Variants in COL15A1 observed in about 807,000 individuals in gnomAD.
The protein encoded by COL15A1 is collagen type XV alpha 1 chain, also known as collagen alpha-1(XV) chain.
COL15A1 carries 111 observed loss-of-function variants against 165.9 expected under a neutral mutation model. The ratio of observed to expected loss-of-function variants is 0.67; its 90% CI spans 0.57 to 0.78. The LOEUF (loss-of-function observed/expected upper bound fraction) is 0.78, where lower values mean the gene tolerates loss of function less well. Ranked by LOEUF, COL15A1 falls within the 30% of genes least tolerant of loss-of-function variation. COL15A1 has a pLI of 0.00. For synonymous variants in COL15A1, 659 were observed against 674.8 expected (o/e 0.98, Z 0.36); for missense variants, 1,745 against 1,789.7 (o/e 0.98, Z 0.45).
intron 30 of COL15A1, among the ~76,000 whole-genome samples, chr9:99,050,487 G>A (rs1439457199): frequency 2.6e-5 from 4 of 152,180 alleles, no homozygotes; most frequent in Non-Finnish European, 4.4e-5. Flanking sequence ...GGATGCTGAG[G>A]GGTCAGGCAC....
rs200365663 is a variant in COL15A1 at position 98,989,148 on chromosome 9, C to T, written c.724-30C>T. 4.8e-4 allele frequency: 758 copies of T among 1,587,092 alleles called. 1 individual carries two copies. Among genetic ancestry groups the T allele is most frequent in the Non-Finnish European group, 5.2e-4 (601 of 1,155,672 alleles). On this transcript the variant is annotated intron_variant, in intron 4 of 41. Coordinates refer to ENST00000375001, the MANE Select transcript of COL15A1 (RefSeq NM_001855.5). ...TCTTATGGGCCCTGCCCGCTCTGCC[C>T]GGTGTGTGGCACAGTTTGTCTCCAC...
intron 2 of COL15A1, among the ~76,000 whole-genome samples, chr9:98,958,368 C>T (rs1837812573): frequency 6.6e-6 from 1 of 152,214 alleles, no homozygotes; most frequent in African/African-American, 2.4e-5. Flanking sequence ...CTGCTGAGCA[C>T]ATCCTGCACT....
chr9:99,015,383 AG>A (rs776057307), intron 9 of COL15A1, 33 bp from the exon 10 acceptor site: 2 of 1,556,476 alleles, frequency 1.3e-6, no homozygotes, highest in South Asian at 2.2e-5. Flanking sequence ...GCATGGGCGA[AG>A]GGGCACAGCT....
At chr9:98,996,298 C>T (rs569148901) in intron 5 of COL15A1, among the ~76,000 whole-genome samples, 6 of 152,302 alleles carry the variant, frequency 3.9e-5, no homozygotes, top group Admixed American at 3.3e-4. Context: ...CTGGGTCCCG[C>T]GAGCTGCTGC....
chr9:98,979,071 C>T (rs531656886), intron 2 of COL15A1, among the ~76,000 whole-genome samples: 63 of 152,242 alleles, frequency 4.1e-4, no homozygotes, highest in African/African-American at 1.3e-3. Flanking sequence ...TCTTTTGAAA[C>T]GCTGCCTTGG....
chr9:98,951,896 C>G (rs533801489), intron 2 of COL15A1, among the ~76,000 whole-genome samples: 1 of 152,302 alleles, frequency 6.6e-6, no homozygotes, highest in African/African-American at 2.4e-5. Context: ...CCCATAGTAC[C>G]TGGGGACCCC....
chr9:99,025,684 A>C (rs1195299607), intron 15 of COL15A1, among the ~76,000 whole-genome samples: 3 of 152,114 alleles, frequency 2.0e-5, no homozygotes, highest in Non-Finnish European at 4.4e-5. Flanking sequence ...CCCATAGAGG[A>C]GGAAATGTAA....
chr9:99,047,224 G>A (rs1204790131), intron 26 of COL15A1, among the ~76,000 whole-genome samples: 2 of 152,232 alleles, frequency 1.3e-5, no homozygotes, highest in African/African-American at 2.4e-5. Flanking sequence ...TGGAAAGCCA[G>A]CACTGAAATA....
chr9:98,959,238 A>AAAC (rs1432079347), intron 2 of COL15A1, among the ~76,000 whole-genome samples: 6 of 151,504 alleles, frequency 4.0e-5, no homozygotes, highest in Admixed American at 6.6e-5. Context: ...AAAAAAAAAA[A>AAAC]AAAAAAAAAC....
At chr9:99,041,026 A>G in intron 23 of COL15A1, 1 of 171,576 alleles carries the variant, frequency 5.8e-6, no homozygotes, top group East Asian at 1.5e-4. Context: ...GACCTGGGGC[A>G]CATTTCAGAG....
At chr9:98,955,389 G>C (rs2118775285) in intron 2 of COL15A1, among the ~76,000 whole-genome samples, 1 of 152,356 alleles carries the variant, frequency 6.6e-6, no homozygotes, top group Non-Finnish European at 1.5e-5. Flanking sequence ...TTGAGGGCAG[G>C]AAGCCGTTTT....
At chr9:98,951,993 G>C (rs1196390275) in intron 2 of COL15A1, among the ~76,000 whole-genome samples, 1 of 152,310 alleles carries the variant, frequency 6.6e-6, no homozygotes, top group East Asian at 1.9e-4. Context: ...GGGCTTCTCA[G>C]ACTGTACAGT....
In COL15A1 at chr9:99,063,067, T is replaced by A; in HGVS notation, c.3609T>A (p.Pro1203=). 1 of 1,590,540 alleles carries A rather than the reference T, an allele frequency of 6.3e-7. No individual in the cohort carries two copies. The highest frequency in any genetic ancestry group is 8.5e-7 in the Non-Finnish European group (1 of 1,172,496). The change falls in exon 39 of 42, where the codon CCT becomes CCA. Residue 1203 remains proline, a synonymous_variant. Coordinates refer to ENST00000375001, the MANE Select transcript of COL15A1 (RefSeq NM_001855.5). ...CATAACAGCCACATCAGCTTCTGCC[T>A]CCACCAAACCCTATTTCAAGTGCCA... The part of the protein sequence containing the change: ...ALSSNPHQLL[P]PPNPISSANY...
At chr9:99,042,306 T>C (rs1839420571) in intron 24 of COL15A1, among the ~76,000 whole-genome samples, 199 bp downstream of exon 24, 1 of 152,210 alleles carries the variant, frequency 6.6e-6, no homozygotes, top group Admixed American at 6.5e-5. Flanking sequence ...CACTCTGTAA[T>C]TCTAGAACAT....
intron 2 of COL15A1, among the ~76,000 whole-genome samples, chr9:98,978,761 T>C (rs959622018): frequency 6.6e-6 from 1 of 152,154 alleles, no homozygotes; most frequent in Non-Finnish European, 1.5e-5. Flanking sequence ...TAGATGTCTT[T>C]ACTTTTCATA....
rs575630444 is a variant in COL15A1 at position 99,026,619 on chromosome 9, G to A, written c.2043+653G>A. ...GCCAGTGGGCTGGTTCTGCCCAAAT[G>A]CTCTGGGCACGCTCTTCCCTTCTGT... On this transcript the variant is annotated intron_variant, in intron 16 of 41. Coordinates refer to ENST00000375001, the MANE Select transcript of COL15A1 (RefSeq NM_001855.5). Among the ~76,000 whole-genome samples the A allele has an allele frequency of 1.5e-3, 231 of 152,222 alleles. 1 individual carries two copies. The highest frequency in any genetic ancestry group is 5.1e-3 in the African/African-American group (213 of 41,512).
Position 99,044,779 on chromosome 9 carries a change from G to A in COL15A1, c.2679+9G>A, listed in dbSNP as rs949794864. On this transcript the variant is annotated intron_variant, in intron 26 of 41. Coordinates refer to ENST00000375001, the MANE Select transcript of COL15A1 (RefSeq NM_001855.5). ...GAGCCCCAGGACCAATGGTAAGTCAGAGCGTCTCTCAGCTGGATCTGGGCT... is the reference window on the plus strand; with the variant it reads ...GAGCCCCAGGACCAATGGTAAGTCAAAGCGTCTCTCAGCTGGATCTGGGCT... The A allele has an allele frequency of 1.2e-6, 2 of 1,612,476 alleles. No homozygotes were observed. Among genetic ancestry groups the A allele is most frequent in the Non-Finnish European group, 1.7e-6 (2 of 1,178,646 alleles).
In COL15A1 at chr9:99,070,433, C is replaced by T. The variant is rs188993242; in HGVS notation, c.*547C>T. 5.9e-5 allele frequency: 16 copies of T among 273,470 alleles called. No individual in the cohort carries two copies. In the East Asian group the frequency reaches 6.0e-4, roughly 10 times the overall value. 16.9% of individuals were successfully genotyped at this position (273,470 alleles called of 1,614,324 possible). A position where few individuals can be genotyped will look rare whatever the true frequency, so the allele number is the denominator to read the frequency against. On this transcript the variant is annotated 3_prime_UTR_variant, in exon 42 of 42. Transcript: ENST00000375001. ...GCTATCAGACTCTAATGTTTTTTTC[C>T]CTAAAATATTATTGCCATCATGCTT... is the stretch of plus-strand genomic sequence containing the variant.
chr9:99,000,045 A>AT (rs1838621403), intron 6 of COL15A1, among the ~76,000 whole-genome samples: 1 of 151,868 alleles, frequency 6.6e-6, no homozygotes, highest in African/African-American at 2.4e-5. Context: ...TAATTTTTGT[A>AT]TTTTTAGTAG....
Sources: allele counts gnomAD v4.1 joint callset (sites outside exome capture counted in the v4.1 genomes callset), GRCh38; gene constraint gnomAD v4.1.1; transcripts MANE v1.5; gene names NCBI Gene and HGNC (gene_info 2026-07-23, HGNC 2026-07-21).